MPP7: variants seen among roughly 807,000 people sequenced by gnomAD.
The protein encoded by MPP7 is MAGUK p55 scaffold protein 7.
MPP7 carries 60 observed loss-of-function variants against 76.5 expected under a neutral mutation model. The ratio of observed to expected loss-of-function variants is 0.78; its 90% CI spans 0.64 to 0.97. The LOEUF is 0.97. Ranked by LOEUF, MPP7 falls within the 50% of genes least tolerant of loss-of-function variation. The pLI is 0.00. For missense variants in MPP7, 641 were observed against 694.0 expected (o/e 0.92, Z 0.86); for synonymous variants, 237 against 244.5 (o/e 0.97, Z 0.29).
chr10:28,167,171 C>T (rs1015784799), intron 3 of MPP7, among the ~76,000 whole-genome samples: 6 of 151,938 alleles, frequency 3.9e-5, no homozygotes, highest in African/African-American at 1.2e-4. Context: ...ATTAGCCAGG[C>T]GTGGTGGCAT....
chr10:28,159,758 C>A (rs58860942), intron 3 of MPP7, among the ~76,000 whole-genome samples: 20,279 of 152,144 alleles, frequency 0.13, 2,043 homozygotes, highest in African/African-American at 0.28. Flanking sequence ...CATCACTGGG[C>A]TTTCCATATG....
intron 12 of MPP7, among the ~76,000 whole-genome samples, chr10:28,073,161 C>T (rs542412721): frequency 6.6e-6 from 1 of 152,320 alleles, no homozygotes; most frequent in East Asian, 1.9e-4. Context: ...TCTACCCACA[C>T]CTGGGAGCCT....
chr10:28,172,784 G>A (rs1836727619), intron 3 of MPP7, among the ~76,000 whole-genome samples: 1 of 152,156 alleles, frequency 6.6e-6, no homozygotes, highest in Non-Finnish European at 1.5e-5. Flanking sequence ...CAATAAATTA[G>A]TCTTATTCTC....
Position 28,054,219 on chromosome 10 carries a change from T to C in MPP7, c.1577A>G (p.Lys526Arg). ...FTEEDFQEMI[K>R]SAQIMESQYG... ...TTGACTTTCCATTATCTGTGCAGAT[T>C]TAATCATTTCTTGAAAATCTTCTTC... The change falls in exon 17 of 17, where the codon AAA becomes AGA. Residue 526 changes from lysine to arginine, a missense_variant. Lys to Arg is a conservative substitution (Grantham distance 26). Coordinates refer to ENST00000683449, the MANE Select transcript of MPP7 (RefSeq NM_001318170.2). 1 of 1,576,758 alleles carries C rather than the reference T, an allele frequency of 6.3e-7. No individual in the cohort carries two copies. The highest frequency in any genetic ancestry group is 8.6e-7 in the Non-Finnish European group (1 of 1,159,554).
At chr10:28,144,525 G>A (rs1311024735) in intron 5 of MPP7, among the ~76,000 whole-genome samples, 1 of 152,108 alleles carries the variant, frequency 6.6e-6, no homozygotes, top group African/African-American at 2.4e-5. Flanking sequence ...CTGTTCGCCC[G>A]TTCTGAGGCT....
chr10:28,254,374 T>C (rs537743667), intron 1 of MPP7, among the ~76,000 whole-genome samples: 24 of 152,310 alleles, frequency 1.6e-4, no homozygotes, highest in African/African-American at 4.8e-4. Flanking sequence ...AATGATGTTA[T>C]ATTGTAACAA....
At chr10:28,194,916 C>T (rs897235394) in intron 3 of MPP7, among the ~76,000 whole-genome samples, 21 of 152,080 alleles carry the variant, frequency 1.4e-4, no homozygotes, top group Non-Finnish European at 5.9e-5. Flanking sequence ...GACAAATGTA[C>T]CATGCCAATG....
intron 6 of MPP7, among the ~76,000 whole-genome samples, chr10:28,125,864 T>C (rs749079181): frequency 5.3e-5 from 8 of 152,166 alleles, no homozygotes; most frequent in Non-Finnish European, 1.0e-4. Context: ...ACTGCTGCCT[T>C]GTAAGAACAA....
intron 2 of MPP7, among the ~76,000 whole-genome samples, chr10:28,224,877 A>T (rs1006785637): frequency 1.3e-5 from 2 of 152,126 alleles, no homozygotes; most frequent in African/African-American, 2.4e-5. Context: ...AAAAATAAAA[A>T]TTTTTTAATT....
At chr10:28,184,826 G>A (rs1490114151) in intron 3 of MPP7, among the ~76,000 whole-genome samples, 1 of 106,092 alleles carries the variant, frequency 9.4e-6, no homozygotes, top group African/African-American at 2.7e-5. Flanking sequence ...ATATATTAAG[G>A]TAAACATATC....
intron 1 of MPP7, among the ~76,000 whole-genome samples, chr10:28,254,004 GAAAAAAAAAAA>G (rs199511617): frequency 5.5e-4 from 51 of 92,344 alleles, no homozygotes; most frequent in Admixed American, 1.8e-3. Flanking sequence ...TCACAAAAAA[GAAAAAAAAAAA>G]AAAAAAAAAA....
intron 12 of MPP7, among the ~76,000 whole-genome samples, chr10:28,087,179 T>A (rs900248860): frequency 6.6e-6 from 1 of 152,124 alleles, no homozygotes; most frequent in Non-Finnish European, 1.5e-5. Flanking sequence ...CAGCCTGACA[T>A]CCCACCACTC....
chr10:28,218,614 G>A (rs888275742), intron 2 of MPP7, among the ~76,000 whole-genome samples: 2 of 152,058 alleles, frequency 1.3e-5, no homozygotes, highest in Non-Finnish European at 2.9e-5. Flanking sequence ...AAACCATCCA[G>A]GCCATATTCT....
At chr10:28,287,537 C>T (rs1177446627) in intron 1 of MPP7, among the ~76,000 whole-genome samples, 1 of 152,172 alleles carries the variant, frequency 6.6e-6, no homozygotes, top group East Asian at 1.9e-4. Context: ...CTTTCTTATT[C>T]ATGCATGATT....
At chr10:28,235,012 G>A (rs540121828) in intron 2 of MPP7, among the ~76,000 whole-genome samples, 47 of 152,236 alleles carry the variant, frequency 3.1e-4, no homozygotes, top group East Asian at 5.8e-4. Context: ...GTTTCACCAC[G>A]TTGCCCAGAC....
intron 2 of MPP7, among the ~76,000 whole-genome samples, chr10:28,238,181 A>G (rs1375513027): frequency 6.6e-6 from 1 of 152,154 alleles, no homozygotes; most frequent in Non-Finnish European, 1.5e-5. Flanking sequence ...GAAAAAAAAA[A>G]GAGAAAAATA....
chr10:28,252,726 T>A (rs1294010842), intron 1 of MPP7, among the ~76,000 whole-genome samples: 2 of 152,274 alleles, frequency 1.3e-5, no homozygotes, highest in East Asian at 3.9e-4. Context: ...ATAGCGGACA[T>A]TCAACAGGCT....
intron 12 of MPP7, among the ~76,000 whole-genome samples, chr10:28,086,244 T>C (rs993325871): frequency 6.6e-6 from 1 of 152,116 alleles, no homozygotes; most frequent in African/African-American, 2.4e-5. Context: ...ATATGGCACA[T>C]GTATACCTAT....
intron 1 of MPP7, among the ~76,000 whole-genome samples, chr10:28,249,252 C>T (rs1238607071): frequency 6.6e-6 from 1 of 151,936 alleles, no homozygotes; most frequent in African/African-American, 2.4e-5. Flanking sequence ...ATTTACTAGA[C>T]CAAAAGTATA....
Sources: gnomAD v4.1 joint callset for allele counts (sites outside exome capture counted in the v4.1 genomes callset) on GRCh38, gnomAD v4.1.1 for gene constraint, MANE v1.5 for transcripts, NCBI Gene and HGNC (gene_info 2026-07-23, HGNC 2026-07-21) for gene names.